MACROD2: variants seen among roughly 807,000 people sequenced by gnomAD.
The protein encoded by MACROD2 is ADP-ribose glycohydrolase MACROD2.
A neutral mutation model predicts 70.4 loss-of-function variants in MACROD2; 36 were observed. The ratio of observed to expected loss-of-function variants is 0.51; its 90% CI spans 0.39 to 0.68. The LOEUF (loss-of-function observed/expected upper bound fraction) is 0.68, where lower values mean the gene tolerates loss of function less well. Among genes scored for constraint, MACROD2 ranks in the 30% least tolerant of loss-of-function variants. MACROD2 has a pLI of 0.00. For missense variants in MACROD2, 496 were observed against 538.4 expected, an observed-to-expected ratio of 0.92 and a Z score of 0.78; for synonymous variants, 172 against 178.8, an observed-to-expected ratio of 0.96 and a Z score of 0.30.
chr20:14,504,216 T>A (rs1440382189), intron 4 of MACROD2, among the ~76,000 whole-genome samples: 1 of 152,200 alleles, frequency 6.6e-6, no homozygotes, highest in Non-Finnish European at 1.5e-5. Context: ...AAAGAAATAA[T>A]GGTAATAACT....
rs200542184 is a variant in MACROD2 at position 14,613,233 on chromosome 20, G to A, written c.302-71610G>A. ...TGAAGTATGTTTGCGATACATGAAT[G>A]TATATGAGAAATACACATATACAGT... On this transcript the variant is annotated intron_variant, in intron 4 of 17. Coordinates refer to ENST00000684519, the MANE Select transcript of MACROD2 (RefSeq NM_001351661.2). Among the ~76,000 whole-genome samples the A allele has an allele frequency of 2.0e-5, 3 of 152,126 alleles. No individual in the cohort carries two copies. The East Asian group carries it at 5.8e-4, about 29-fold the overall frequency.
chr20:15,231,655 A>G (rs1328017377), intron 6 of MACROD2, among the ~76,000 whole-genome samples: 1 of 152,068 alleles, frequency 6.6e-6, no homozygotes, highest in Non-Finnish European at 1.5e-5. Context: ...AGGAATCTCT[A>G]ACTGTAATTA....
At chr20:15,707,530 T>G (rs1018218812) in intron 8 of MACROD2, among the ~76,000 whole-genome samples, 25 of 152,324 alleles carry the variant, frequency 1.6e-4, no homozygotes, top group Non-Finnish European at 3.4e-4. Flanking sequence ...AGGCCTGTAA[T>G]TCTACCACTT....
chr20:15,285,778 G>A (rs2077485454), intron 6 of MACROD2, among the ~76,000 whole-genome samples: 1 of 152,060 alleles, frequency 6.6e-6, no homozygotes, highest in Non-Finnish European at 1.5e-5. Flanking sequence ...ATGATGTTTT[G>A]AATTTGTCAA....
chr20:14,426,025 T>G (rs2122911594), intron 3 of MACROD2, among the ~76,000 whole-genome samples: 1 of 152,306 alleles, frequency 6.6e-6, no homozygotes. Context: ...TGTAGTACAC[T>G]AGGTACCGAA....
At position 14,472,839 on chromosome 20, in the gene MACROD2, C is replaced by G. The variant is rs1021782049; in HGVS notation, c.272-20640C>G. Among the ~76,000 whole-genome samples the G allele has an allele frequency of 2.0e-5, 3 of 151,924 alleles. No homozygotes were observed. In the South Asian group the frequency reaches 6.3e-4, roughly 32 times the overall value. On this transcript the variant is annotated intron_variant, in intron 3 of 17. Coordinates refer to ENST00000684519, the MANE Select transcript of MACROD2 (RefSeq NM_001351661.2). ...TTTGGTGGTCCTGGTGAGTGAGCTGCGTGGCATTAAACTCAGGTGTTTTTG... is the reference window on the plus strand; with the variant it reads ...TTTGGTGGTCCTGGTGAGTGAGCTGGGTGGCATTAAACTCAGGTGTTTTTG...
At chr20:15,033,095 A>G (rs566222804) in intron 5 of MACROD2, among the ~76,000 whole-genome samples, 1 of 152,260 alleles carries the variant, frequency 6.6e-6, no homozygotes, top group South Asian at 2.1e-4. Flanking sequence ...GTTATTGTTT[A>G]ATAGGTACAG....
At chr20:14,722,177 C>T (rs946179136) in intron 5 of MACROD2, among the ~76,000 whole-genome samples, 2 of 152,164 alleles carry the variant, frequency 1.3e-5, no homozygotes, top group African/African-American at 2.4e-5. Flanking sequence ...TTGTTTTTCT[C>T]ATGGGCTTGG....
At chr20:15,231,547 C>T (rs1057147701) in intron 6 of MACROD2, among the ~76,000 whole-genome samples, 1 of 151,722 alleles carries the variant, frequency 6.6e-6, no homozygotes, top group Non-Finnish European at 1.5e-5. Context: ...GAATCACTGG[C>T]ATCTCTAATG....
intron 6 of MACROD2, among the ~76,000 whole-genome samples, chr20:15,329,282 C>A (rs1017002388): frequency 3.9e-5 from 6 of 151,942 alleles, no homozygotes; most frequent in African/African-American, 1.5e-4. Flanking sequence ...TGATAGAGGC[C>A]CTTTGGACTT....
In MACROD2 at chr20:14,397,026, G is replaced by A. The variant is rs182493871; in HGVS notation, c.272-96453G>A. On this transcript the variant is annotated intron_variant, in intron 3 of 17. Coordinates refer to ENST00000684519, the MANE Select transcript of MACROD2 (RefSeq NM_001351661.2). ...TTTTTTTTAATTGAGATGGAGTCTCGCTCTGTCGCCCAGGTTGGAGTGCAG... is the reference window on the plus strand; with the variant it reads ...TTTTTTTTAATTGAGATGGAGTCTCACTCTGTCGCCCAGGTTGGAGTGCAG... 1.6e-4 allele frequency among the ~76,000 whole-genome samples: 19 copies of A among 117,292 alleles called. No homozygotes were observed. The East Asian group carries it at 2.1e-3, about 13-fold the overall frequency. 76.9% of individuals were successfully genotyped at this position (117,292 alleles called of 152,430 possible).
chr20:15,534,986 G>A (rs547125374), intron 8 of MACROD2, among the ~76,000 whole-genome samples: 1 of 152,034 alleles, frequency 6.6e-6, no homozygotes, highest in South Asian at 2.1e-4. Flanking sequence ...ATATATATAT[G>A]TTTTTTTGAG....
In MACROD2 at chr20:15,565,748, T is replaced by C. The variant is rs536603389; in HGVS notation, c.645+65901T>C. On this transcript the variant is annotated intron_variant, in intron 8 of 17. Transcript: ENST00000684519. ...CTCCTGCCTCAGCCTCCCACGTGGC[T>C]AATTTTTTAATTTTAATATTTTACA... 1.7e-3 allele frequency among the ~76,000 whole-genome samples: 263 copies of C among 152,318 alleles called. 6 individuals carry two copies. In the South Asian group the frequency reaches 0.051, roughly 30 times the overall value.
At chr20:14,369,303 G>A (rs572054963) in intron 3 of MACROD2, among the ~76,000 whole-genome samples, 42 of 150,882 alleles carry the variant, frequency 2.8e-4, no homozygotes, top group African/African-American at 8.5e-4. Context: ...AGTTTTTTGC[G>A]AGTAAGATTG....
chr20:14,397,652 CAG>C (rs1313509529), intron 3 of MACROD2, among the ~76,000 whole-genome samples: 3 of 152,052 alleles, frequency 2.0e-5, no homozygotes, highest in Non-Finnish European at 2.9e-5. Flanking sequence ...TTATGGGACA[CAG>C]AGTGATATTT....
At chr20:15,416,851 C>T (rs374035911) in intron 6 of MACROD2, among the ~76,000 whole-genome samples, 5 of 151,794 alleles carry the variant, frequency 3.3e-5, no homozygotes, top group African/African-American at 7.3e-5. Context: ...TGCAGTGAGC[C>T]GAGATCGCGC....
intron 4 of MACROD2, among the ~76,000 whole-genome samples, chr20:14,645,887 A>C (rs1985363504): frequency 6.6e-6 from 1 of 151,972 alleles, no homozygotes; most frequent in Non-Finnish European, 1.5e-5. Flanking sequence ...CATTTACAGA[A>C]ACCAAATGTG....
intron 5 of MACROD2, among the ~76,000 whole-genome samples, chr20:14,957,821 C>T (rs552869798): frequency 2.6e-5 from 4 of 152,204 alleles, no homozygotes; most frequent in African/African-American, 9.6e-5. Context: ...ATATCTCCAT[C>T]CTTGTTATTT....
intron 3 of MACROD2, among the ~76,000 whole-genome samples, chr20:14,276,674 T>C (rs1193651228): frequency 6.6e-6 from 1 of 152,080 alleles, no homozygotes; most frequent in African/African-American, 2.4e-5. Context: ...GCTATTGTAA[T>C]TCCTTTTAAT....
Sources: gnomAD v4.1 joint callset for allele counts (sites outside exome capture counted in the v4.1 genomes callset) on GRCh38, gnomAD v4.1.1 for gene constraint, MANE v1.5 for transcripts, NCBI Gene and HGNC (gene_info 2026-07-23, HGNC 2026-07-21) for gene names.